Variants in NDUFA10 observed in about 807,000 individuals in gnomAD.
NDUFA10 encodes NADH dehydrogenase [ubiquinone] 1 alpha subcomplex subunit 10, mitochondrial.
In NDUFA10, 40 loss-of-function variants were observed where a neutral mutation model predicts 47.8. That is an observed-to-expected ratio of 0.84 (90% CI 0.65 to 1.09). The LOEUF (loss-of-function observed/expected upper bound fraction) is 1.09, where lower values mean the gene tolerates loss of function less well. Among genes scored for constraint, NDUFA10 ranks in the 50% least tolerant of loss-of-function variants. The probability of loss-of-function intolerance (pLI) is 0.00; values close to 1 mark genes in which losing one functional copy is unlikely to be tolerated. For missense variants in NDUFA10, 413 were observed against 451.1 expected, an observed-to-expected ratio of 0.92 and a Z score of 0.76; for synonymous variants, 183 against 172.2, an observed-to-expected ratio of 1.06 and a Z score of -0.49.
intron 9 of NDUFA10, among the ~76,000 whole-genome samples, chr2:239,977,986 G>A (rs1044072311): frequency 1.3e-5 from 2 of 152,122 alleles, no homozygotes; most frequent in Admixed American, 1.3e-4. Context: ...AGACTAGGTT[G>A]GGGTCCTATG....
intron 4 of NDUFA10, among the ~76,000 whole-genome samples, chr2:239,900,315 CATATATATATATATAT>C (rs142452963): frequency 2.8e-5 from 4 of 142,640 alleles, no homozygotes; most frequent in African/African-American, 7.9e-5. Context: ...AACTCCCCTT[CATATATATATATATAT>C]ATATATATAT....
At chr2:240,015,701 C>G (rs1169222567) in intron 4 of NDUFA10, among the ~76,000 whole-genome samples, 1 of 142,788 alleles carries the variant, frequency 7.0e-6, no homozygotes, top group Admixed American at 6.7e-5. Flanking sequence ...TGCACATGCT[C>G]ATGCACACCC....
Position 239,960,987 on chromosome 2 carries a change from C to T in NDUFA10, c.*131G>A. ...ACAGGATGGATTGCTTTTTGTGAGA[C>T]CCCTTCTTCCACTGTGCAATTTTTG... On this transcript the variant is annotated 3_prime_UTR_variant, in exon 10 of 10. Coordinates refer to ENST00000252711, the MANE Select transcript of NDUFA10 (RefSeq NM_004544.4). 6.5e-7 allele frequency: 1 copy of T among 1,544,306 alleles called. No homozygotes were observed. Among genetic ancestry groups the T allele is most frequent in the Non-Finnish European group, 8.7e-7 (1 of 1,144,660 alleles).
rs532118668 is a variant in NDUFA10, at chr2:239,939,361, GGA to G, written c.295-44049_295-44048del. Among the ~76,000 whole-genome samples the G allele has an allele frequency of 5.5e-3, 832 of 152,336 alleles. 3 individuals carry two copies. Among genetic ancestry groups the G allele is most frequent in the Non-Finnish European group, 8.6e-3 (585 of 68,036 alleles). ...TGTGGGGAGGGCGAGTGGAACTCGC[GGA>G]GAGAGAGGGGTAGAACCACAAAGGA... On this transcript the variant is annotated intron_variant, in intron 4 of 5. Coordinates refer to the NDUFA10 transcript ENST00000419408.
At chr2:239,910,585 G>A in intron 4 of NDUFA10, among the ~76,000 whole-genome samples, 1 of 152,194 alleles carries the variant, frequency 6.6e-6, no homozygotes, top group Non-Finnish European at 1.5e-5. Flanking sequence ...GAAGGGAGAG[G>A]ATCAGGAAGA....
Position 240,011,755 on chromosome 2 carries a change from G to C in NDUFA10, c.670-59C>G, listed in dbSNP as rs1574886323. 4.2e-6 allele frequency: 6 copies of C among 1,416,738 alleles called. No homozygotes were observed. The East Asian group carries it at 1.4e-4, about 32-fold the overall frequency. The allele number at this position is 1,416,738 out of a possible 1,614,324, so 87.8% of individuals were successfully genotyped here. A position where few individuals can be genotyped will look rare whatever the true frequency, so the allele number is the denominator to read the frequency against. On this transcript the variant is annotated intron_variant, in intron 5 of 9. Transcript: ENST00000252711. ...ATTTAGAGTTCATTCTCTTTGACCT[G>C]TGCGTATATAAAATGCGAAGACAAT...
At chr2:239,988,364 T>C (rs1391466619) in intron 9 of NDUFA10, among the ~76,000 whole-genome samples, 1 of 152,156 alleles carries the variant, frequency 6.6e-6, no homozygotes, top group Non-Finnish European at 1.5e-5. Flanking sequence ...CATCTAATCA[T>C]ACGGCCCTAA....
intron 9 of NDUFA10, among the ~76,000 whole-genome samples, chr2:239,979,338 A>C (rs1574840967): frequency 7.0e-6 from 1 of 143,528 alleles, no homozygotes; most frequent in Admixed American, 7.2e-5. Flanking sequence ...AACTGGCTCC[A>C]CCCCTCTCCT....
intron 4 of NDUFA10, among the ~76,000 whole-genome samples, chr2:239,951,281 G>T (rs1001548347): frequency 3.9e-5 from 6 of 152,344 alleles, no homozygotes; most frequent in African/African-American, 1.4e-4. Flanking sequence ...ACACGCTCCT[G>T]TGCTGCTGCC....
rs1025803269 is a variant in NDUFA10, at chr2:239,903,994, G to A, written c.295-8680C>T. Among the ~76,000 whole-genome samples, 6 of 152,172 alleles carry A rather than the reference G, an allele frequency of 3.9e-5. No individual in the cohort carries two copies. In the East Asian group the frequency reaches 5.8e-4, roughly 15 times the overall value. On this transcript the variant is annotated intron_variant, in intron 4 of 5. Transcript: ENST00000419408. ...CAGTGGGGCAGCACAGAGTCCAGAC[G>A]CCCTGGATGATGCAGGCGTCTGCCC...
At chr2:240,005,623 C>G (rs1445064678) in intron 7 of NDUFA10, among the ~76,000 whole-genome samples, 2 of 152,182 alleles carry the variant, frequency 1.3e-5, no homozygotes, top group Non-Finnish European at 2.9e-5. Context: ...TCCCAAAGTG[C>G]TGGGATTATA....
At chr2:239,925,378 C>T (rs1207925414) in intron 4 of NDUFA10, among the ~76,000 whole-genome samples, 2 of 152,174 alleles carry the variant, frequency 1.3e-5, no homozygotes, top group Non-Finnish European at 2.9e-5. Context: ...CATACAAGTA[C>T]TTCCAATTGA....
At chr2:240,025,164 T>TGGCCCCCCCCCC in intron 1 of NDUFA10, 63 bp downstream of exon 1, 1 of 594,914 alleles carries the variant, frequency 1.7e-6, no homozygotes, top group Non-Finnish European at 2.7e-6. Context: ...GTGGAACTGC[T>TGGCCCCCCCCCC]CCCCACCCCG....
chr2:239,894,378 G>A (rs111353250), intron 5 of NDUFA10, among the ~76,000 whole-genome samples: 3 of 142,994 alleles, frequency 2.1e-5, no homozygotes, highest in East Asian at 2.1e-4. Context: ...CCTGCCTCCC[G>A]TCCTCAGCTC....
intron 4 of NDUFA10, among the ~76,000 whole-genome samples, chr2:239,913,234 G>A (rs1032563442): frequency 4.6e-5 from 7 of 152,252 alleles, no homozygotes; most frequent in South Asian, 4.1e-4. Flanking sequence ...ACTGCCCTCC[G>A]TGGGGAGTGA....
intron 9 of NDUFA10, among the ~76,000 whole-genome samples, chr2:239,967,538 TAAC>T (rs778294712): frequency 2.6e-5 from 4 of 152,180 alleles, no homozygotes; most frequent in Non-Finnish European, 5.9e-5. Flanking sequence ...TACAGGAAGG[TAAC>T]AACAAGACAG....
At chr2:239,895,719 T>A (rs1464833399) in intron 4 of NDUFA10, among the ~76,000 whole-genome samples, 1 of 152,224 alleles carries the variant, frequency 6.6e-6, no homozygotes, top group Non-Finnish European at 1.5e-5. Context: ...AACACAGAGA[T>A]TACACGATTC....
intron 2 of NDUFA10, among the ~76,000 whole-genome samples, 185 bp from the exon 3 acceptor site, chr2:240,021,597 A>G (rs1697626131): frequency 6.6e-6 from 1 of 152,174 alleles, no homozygotes; most frequent in Admixed American, 6.5e-5. Flanking sequence ...CAACATATAC[A>G]AGCAAGCATG....
chr2:239,958,577 C>G lies in NDUFA10; in HGVS notation c.*2541G>C, dbSNP rs1018067242. ...CAGAACATGGAGGTTCCACAGCTGC[C>G]TGGTGGACAGCAGCCAGCAGCCTGG... On this transcript the variant is annotated 3_prime_UTR_variant, in exon 10 of 10. Coordinates refer to ENST00000252711, the MANE Select transcript of NDUFA10 (RefSeq NM_004544.4). 3.3e-5 allele frequency: 5 copies of G among 152,242 alleles called. No homozygotes were observed. Among genetic ancestry groups the G allele is most frequent in the African/African-American group, 9.6e-5 (4 of 41,472 alleles). The allele number at this position is 152,242 out of a possible 1,614,324, so 9.4% of individuals were successfully genotyped here. A position where few individuals can be genotyped will look rare whatever the true frequency, so the allele number is the denominator to read the frequency against.
Sources: gnomAD v4.1 joint callset for allele counts (sites outside exome capture counted in the v4.1 genomes callset) on GRCh38, gnomAD v4.1.1 for gene constraint, MANE v1.5 for transcripts, NCBI Gene and HGNC (gene_info 2026-07-23, HGNC 2026-07-21) for gene names.